Variants in THSD7B observed in about 807,000 individuals in gnomAD.
THSD7B encodes the protein thrombospondin type-1 domain-containing protein 7B.
In THSD7B, 138 loss-of-function variants were observed where a neutral mutation model predicts 213.6. The ratio of observed to expected loss-of-function variants is 0.65; its 90% CI spans 0.56 to 0.74. THSD7B has a LOEUF of 0.74. Among genes scored for constraint, THSD7B ranks in the 30% least tolerant of loss-of-function variants. The pLI is 0.00. For synonymous variants in THSD7B, 742 were observed against 687.0 expected, an observed-to-expected ratio of 1.08 and a Z score of -1.25; for missense variants, 1,931 against 1,991.5, an observed-to-expected ratio of 0.97 and a Z score of 0.58.
chr2:137,240,969 A>G (rs922175263), intron 9 of THSD7B, among the ~76,000 whole-genome samples: 3 of 151,566 alleles, frequency 2.0e-5, no homozygotes, highest in Non-Finnish European at 2.9e-5. Context: ...ATTTTTCTCT[A>G]TTCTCTCTTA....
intron 3 of THSD7B, among the ~76,000 whole-genome samples, chr2:137,073,671 G>A (rs1687551966): frequency 6.6e-6 from 1 of 152,000 alleles, no homozygotes; most frequent in Admixed American, 6.5e-5. Context: ...TTTTAATTGT[G>A]ATGTTAGGGT....
intron 15 of THSD7B, among the ~76,000 whole-genome samples, chr2:137,554,859 A>G (rs1378192332): frequency 6.6e-6 from 1 of 152,164 alleles, no homozygotes; most frequent in Non-Finnish European, 1.5e-5. Context: ...TTAATACTGC[A>G]CTTTTCCAAT....
chr2:136,782,282 G>T (rs149531237), intron 1 of THSD7B, among the ~76,000 whole-genome samples: 2 of 152,128 alleles, frequency 1.3e-5, no homozygotes, highest in East Asian at 3.9e-4. Context: ...CTACCTTGCT[G>T]TAACTCCCTC....
rs113615009 is a variant in THSD7B, at chr2:137,284,287, T to C, written c.2500+8261T>C. Among the ~76,000 whole-genome samples, 934 of 152,278 alleles carry C rather than the reference T, an allele frequency of 6.1e-3. 13 individuals are homozygous for C. The highest frequency in any genetic ancestry group is 0.022 in the African/African-American group (907 of 41,570). On this transcript the variant is annotated intron_variant, in intron 12 of 27. Transcript: ENST00000409968. ...TTATTGCATCTATTTGATTCTTCTC[T>C]CTTTTCTTCTCTATTAGTCCTGCTA...
chr2:136,798,267 T>C (rs989279272), intron 1 of THSD7B, among the ~76,000 whole-genome samples: 5 of 139,776 alleles, frequency 3.6e-5, no homozygotes, highest in Non-Finnish European at 6.6e-5. Context: ...CATTAGGATA[T>C]GCCTGCCTTT....
intron 2 of THSD7B, among the ~76,000 whole-genome samples, chr2:136,941,799 C>T (rs961837741): frequency 2.6e-5 from 4 of 152,092 alleles, no homozygotes; most frequent in African/African-American, 9.7e-5. Context: ...TGTAGATTGC[C>T]TGTTCACTCT....
At chr2:137,530,556 T>A (rs560921983) in intron 15 of THSD7B, among the ~76,000 whole-genome samples, 1 of 152,098 alleles carries the variant, frequency 6.6e-6, no homozygotes, top group East Asian at 1.9e-4. Context: ...ACTTGGGTAA[T>A]CATGCTGTTT....
intron 2 of THSD7B, among the ~76,000 whole-genome samples, chr2:136,996,640 C>T (rs1236535952): frequency 1.3e-5 from 2 of 152,176 alleles, no homozygotes; most frequent in Admixed American, 1.3e-4. Context: ...GTCACTGCAT[C>T]TAGCCACTTT....
At chr2:137,605,962 C>T (rs1682168016) in intron 17 of THSD7B, among the ~76,000 whole-genome samples, 1 of 151,970 alleles carries the variant, frequency 6.6e-6, no homozygotes. Context: ...GCCACCATGC[C>T]CAGCTAATTT....
chr2:137,205,987 C>T (rs1383642997), intron 7 of THSD7B, among the ~76,000 whole-genome samples: 1 of 151,760 alleles, frequency 6.6e-6, no homozygotes, highest in Non-Finnish European at 1.5e-5. Flanking sequence ...AGTATATTCA[C>T]ATACAAATCT....
chr2:137,583,289 G>T (rs1303523359), intron 17 of THSD7B, among the ~76,000 whole-genome samples: 1 of 152,100 alleles, frequency 6.6e-6, no homozygotes, highest in African/African-American at 2.4e-5. Context: ...TCTGTAGGTT[G>T]CCTGTTCACT....
chr2:137,668,117 G>C (rs190892437), intron 27 of THSD7B, among the ~76,000 whole-genome samples: 1 of 152,004 alleles, frequency 6.6e-6, no homozygotes, highest in Non-Finnish European at 1.5e-5. Context: ...TTTTGATTTC[G>C]ATCAGTAGTT....
chr2:137,350,138 C>A (rs1392757074), intron 12 of THSD7B, among the ~76,000 whole-genome samples: 4 of 151,796 alleles, frequency 2.6e-5, no homozygotes, highest in Non-Finnish European at 5.9e-5. Context: ...CCTTATGGAT[C>A]TTTTAACCTA....
chr2:137,185,278 G>T (rs1157752911), intron 7 of THSD7B, among the ~76,000 whole-genome samples: 3 of 151,834 alleles, frequency 2.0e-5, no homozygotes, highest in Admixed American at 2.0e-4. Flanking sequence ...TTAGATTCTG[G>T]GGGTACATGT....
intron 5 of THSD7B, among the ~76,000 whole-genome samples, chr2:137,117,740 A>G (rs1027753900): frequency 1.3e-5 from 2 of 152,150 alleles, no homozygotes; most frequent in African/African-American, 2.4e-5. Flanking sequence ...TTGGGGGGGA[A>G]AAACAGACTT....
At chr2:137,281,542 A>G (rs372221889) in intron 12 of THSD7B, among the ~76,000 whole-genome samples, 1 of 151,620 alleles carries the variant, frequency 6.6e-6, no homozygotes, top group African/African-American at 2.4e-5. Context: ...ATATCTCCCA[A>G]TGCTATCCCC....
intron 10 of THSD7B, among the ~76,000 whole-genome samples, chr2:137,257,643 G>A (rs1682340392): frequency 6.6e-6 from 1 of 152,128 alleles, no homozygotes; most frequent in African/African-American, 2.4e-5. Flanking sequence ...CAGATCACCT[G>A]CCCATCCATC....
intron 15 of THSD7B, among the ~76,000 whole-genome samples, chr2:137,488,543 A>T (rs1688527539): frequency 1.3e-5 from 2 of 152,336 alleles, no homozygotes; most frequent in African/African-American, 2.4e-5. Context: ...TCAATGATTG[A>T]TGATGAAATT....
At chr2:137,249,581 A>T (rs1329231402) in intron 10 of THSD7B, among the ~76,000 whole-genome samples, 1 of 152,218 alleles carries the variant, frequency 6.6e-6, no homozygotes, top group African/African-American at 2.4e-5. Flanking sequence ...TGAAATCTAC[A>T]GTATAGTCTA....
Sources: allele counts gnomAD v4.1 joint callset (sites outside exome capture counted in the v4.1 genomes callset), GRCh38; gene constraint gnomAD v4.1.1; transcripts MANE v1.5; gene names NCBI Gene and HGNC (gene_info 2026-07-23, HGNC 2026-07-21).